The following CDH9 variants were observed in gnomAD, a reference collection of about 807,000 sequenced individuals.
CDH9 encodes cadherin 9.
A neutral mutation model predicts 70.9 loss-of-function variants in CDH9; 28 were observed. The ratio of observed to expected loss-of-function variants is 0.40; its 90% CI spans 0.29 to 0.54. The LOEUF is 0.54. Ranked by LOEUF, CDH9 falls within the 20% of genes least tolerant of loss-of-function variation. The probability of loss-of-function intolerance (pLI) is 0.59; values close to 1 mark genes in which losing one functional copy is unlikely to be tolerated. For missense variants in CDH9, 874 were observed against 984.4 expected (o/e 0.89, Z 1.50); for synonymous variants, 409 against 343.1 (o/e 1.19, Z -2.12).
intron 1 of CDH9, among the ~76,000 whole-genome samples, chr5:27,017,432 A>AG (rs1743064332): frequency 6.6e-6 from 1 of 151,466 alleles, no homozygotes; most frequent in African/African-American, 2.4e-5. Context: ...GTCCACTGAA[A>AG]TTTTTTTTGG....
chr5:26,932,973 T>C (rs1036291185), intron 2 of CDH9, among the ~76,000 whole-genome samples: 2 of 54,142 alleles, frequency 3.7e-5, no homozygotes, highest in African/African-American at 7.3e-5. Flanking sequence ...ATGTGTTACA[T>C]ATATAATTAT....
At chr5:26,889,355 G>A (rs1740617317) in intron 9 of CDH9, among the ~76,000 whole-genome samples, 1 of 151,948 alleles carries the variant, frequency 6.6e-6, no homozygotes, top group Non-Finnish European at 1.5e-5. Flanking sequence ...TCAATGATAT[G>A]AAACTTTAAA....
intron 7 of CDH9, among the ~76,000 whole-genome samples, chr5:26,891,757 A>G (rs1304513393): frequency 6.6e-6 from 1 of 152,156 alleles, no homozygotes; most frequent in African/African-American, 2.4e-5. Context: ...AGAAAAAAAG[A>G]GAAGAGATTT....
At chr5:26,975,633 T>C (rs1167702366) in intron 2 of CDH9, among the ~76,000 whole-genome samples, 2 of 152,156 alleles carry the variant, frequency 1.3e-5, no homozygotes, top group Admixed American at 1.3e-4. Flanking sequence ...CTTCACAAAG[T>C]TGTTGTGTTG....
At chr5:26,932,228 C>G (rs1741476031) in intron 2 of CDH9, among the ~76,000 whole-genome samples, 1 of 151,900 alleles carries the variant, frequency 6.6e-6, no homozygotes, top group Non-Finnish European at 1.5e-5. Flanking sequence ...AAGAGAGACA[C>G]TTGACTTCAT....
intron 2 of CDH9, among the ~76,000 whole-genome samples, chr5:26,927,181 G>T (rs912247920): frequency 6.6e-6 from 1 of 151,864 alleles, no homozygotes; most frequent in African/African-American, 2.4e-5. Context: ...ATGTTGAAAA[G>T]GCATTTAATA....
chr5:27,025,471 C>T (rs763897389), intron 1 of CDH9, among the ~76,000 whole-genome samples: 4 of 151,892 alleles, frequency 2.6e-5, no homozygotes, highest in Non-Finnish European at 5.9e-5. Context: ...ACTCAGAAAG[C>T]TTAACTGGAG....
intron 3 of CDH9, among the ~76,000 whole-genome samples, chr5:26,912,662 G>A (rs917809484): frequency 6.6e-6 from 1 of 151,842 alleles, no homozygotes; most frequent in African/African-American, 2.4e-5. Flanking sequence ...ACTCACGATT[G>A]AATAAATTAA....
intron 2 of CDH9, among the ~76,000 whole-genome samples, chr5:26,957,219 A>T (rs1741961759): frequency 6.6e-6 from 1 of 152,110 alleles, no homozygotes; most frequent in South Asian, 2.1e-4. Flanking sequence ...TACTAAAGGA[A>T]ATAAAAGACT....
intron 2 of CDH9, among the ~76,000 whole-genome samples, chr5:26,929,107 A>G (rs552007436): frequency 6.6e-6 from 1 of 152,202 alleles, no homozygotes; most frequent in South Asian, 2.1e-4. Context: ...GGGATTAATA[A>G]CTGAATATAT....
At chr5:27,006,017 T>C (rs1285593739) in intron 1 of CDH9, among the ~76,000 whole-genome samples, 1 of 151,852 alleles carries the variant, frequency 6.6e-6, no homozygotes, top group African/African-American at 2.4e-5. Flanking sequence ...AGGAGCTACT[T>C]GGAGGTGGAG....
intron 1 of CDH9, among the ~76,000 whole-genome samples, chr5:27,001,308 T>A (rs1215623844): frequency 6.6e-6 from 1 of 152,050 alleles, no homozygotes. Flanking sequence ...TGGAAAAAAA[T>A]TGCACAGAGG....
At chr5:26,999,903 A>C (rs982139538) in intron 1 of CDH9, among the ~76,000 whole-genome samples, 1 of 152,182 alleles carries the variant, frequency 6.6e-6, no homozygotes, top group African/African-American at 2.4e-5. Flanking sequence ...GAAAATGCTG[A>C]AGAATATCTT....
intron 1 of CDH9, among the ~76,000 whole-genome samples, chr5:27,016,834 T>G (rs1248176988): frequency 2.6e-5 from 4 of 151,898 alleles, no homozygotes; most frequent in African/African-American, 9.7e-5. Flanking sequence ...CTTGATCCAC[T>G]GAAATAAAGG....
intron 2 of CDH9, among the ~76,000 whole-genome samples, chr5:26,962,578 T>G (rs1028617767): frequency 2.0e-5 from 3 of 152,160 alleles, no homozygotes; most frequent in African/African-American, 7.2e-5. Flanking sequence ...CCAGTGATGA[T>G]GAGCATTTTT....
rs974940099 is a variant in CDH9 at position 27,002,353 on chromosome 5, A to G, written c.-49-13971T>C. 3.9e-5 allele frequency among the ~76,000 whole-genome samples: 6 copies of G among 152,268 alleles called. 1 individual carries two copies. Among genetic ancestry groups the G allele is most frequent in the African/African-American group, 1.4e-4 (6 of 41,554 alleles). ...TAAACTAGTTCAACCATTGTGGAAG[A>G]CAGTGTGGTGATTCCTCAAGGATCT... On this transcript the variant is annotated intron_variant, in intron 1 of 11. Coordinates refer to ENST00000231021, the MANE Select transcript of CDH9 (RefSeq NM_016279.4).
At chr5:26,951,778 G>T (rs1741849588) in intron 2 of CDH9, among the ~76,000 whole-genome samples, 2 of 151,988 alleles carry the variant, frequency 1.3e-5, no homozygotes, top group Non-Finnish European at 2.9e-5. Flanking sequence ...TTACTCACTT[G>T]TCTTAGCGTA....
intron 7 of CDH9, among the ~76,000 whole-genome samples, chr5:26,898,233 A>G (rs1003585544): frequency 2.0e-5 from 3 of 152,204 alleles, no homozygotes; most frequent in African/African-American, 7.2e-5. Flanking sequence ...AGTATCGTGA[A>G]AATGGCCATA....
rs571258824 is a variant in CDH9 at position 26,937,845 on chromosome 5, G to T, written c.229-21921C>A. On this transcript the variant is annotated intron_variant, in intron 2 of 11. Transcript: ENST00000231021. The stretch of plus-strand genomic sequence containing the variant: ...AGTTAGGGAGAGAGGAATAGATGGG[G>T]TACAGGGGAATTTTTAGGTGGTGAA... 1.6e-3 allele frequency among the ~76,000 whole-genome samples: 237 copies of T among 152,104 alleles called. 1 individual carries two copies. The highest frequency in any genetic ancestry group is 5.3e-3 in the African/African-American group (220 of 41,508).
Sources: gnomAD v4.1 joint callset for allele counts (sites outside exome capture counted in the v4.1 genomes callset) on GRCh38, gnomAD v4.1.1 for gene constraint, MANE v1.5 for transcripts, NCBI Gene and HGNC (gene_info 2026-07-23, HGNC 2026-07-21) for gene names.